TSEN15: variants seen among roughly 807,000 people sequenced by gnomAD.
TSEN15 encodes tRNA splicing endonuclease subunit 15, also known as tRNA-splicing endonuclease subunit Sen15.
A neutral mutation model predicts 20.5 loss-of-function variants in TSEN15; 10 were observed. The ratio of observed to expected loss-of-function variants is 0.49; its 90% confidence interval spans 0.30 to 0.83. The LOEUF (loss-of-function observed/expected upper bound fraction) is 0.83, where lower values mean the gene tolerates loss of function less well. Ranked by LOEUF, TSEN15 falls within the 40% of genes least tolerant of loss-of-function variation. TSEN15 has a pLI of 0.06. For synonymous variants in TSEN15, 72 were observed against 80.1 expected (o/e 0.90, Z 0.54); for missense variants, 180 against 218.6 (o/e 0.82, Z 1.11).
At chr1:184,077,858 T>TCATCCATAAGAA (rs1342023212), downstream of TSEN15, among the ~76,000 whole-genome samples, 2 of 152,210 alleles carry the variant, frequency 1.3e-5, no homozygotes, top group Non-Finnish European at 2.9e-5. Context: ...GAGTTGTTTC[T>TCATCCATAAGAA]TATGGATGAG....
downstream of TSEN15, among the ~76,000 whole-genome samples, chr1:184,075,320 G>A (rs1388487957): frequency 6.6e-6 from 1 of 152,084 alleles, no homozygotes; most frequent in African/African-American, 2.4e-5. Flanking sequence ...TTTTTGGAAA[G>A]GGAGGCCACC....
At chr1:184,086,175 T>C (rs1651258430) in intron 3 of TSEN15, among the ~76,000 whole-genome samples, 1 of 152,174 alleles carries the variant, frequency 6.6e-6, no homozygotes, top group Non-Finnish European at 1.5e-5. Context: ...AGAAAATATG[T>C]GTTTAGTTAA....
At chr1:184,068,550 A>G (rs1650774156) in intron 3 of TSEN15, among the ~76,000 whole-genome samples, 1 of 152,122 alleles carries the variant, frequency 6.6e-6, no homozygotes, top group African/African-American at 2.4e-5. Flanking sequence ...GCAGTTCATT[A>G]CAGAATGACT....
At position 184,059,778 on chromosome 1, in the gene TSEN15, C is replaced by T. The variant is rs138887245; in HGVS notation, c.353+4915C>T. Among the ~76,000 whole-genome samples the T allele has an allele frequency of 3.1e-3, 470 of 152,318 alleles. 2 individuals are homozygous for T. The highest frequency in any genetic ancestry group is 7.4e-3 in the African/African-American group (306 of 41,570). On this transcript the variant is annotated intron_variant, in intron 3 of 4. Transcript: ENST00000645668. ...TAGAGACAGGTTTTTGCCTTATTGGCTAGGCTGGTCTCGAACTCCTGACCT... is the reference window on the plus strand; with the variant it reads ...TAGAGACAGGTTTTTGCCTTATTGGTTAGGCTGGTCTCGAACTCCTGACCT...
intron 3 of TSEN15, among the ~76,000 whole-genome samples, chr1:184,088,003 C>T (rs950315278): frequency 2.0e-5 from 3 of 152,108 alleles, no homozygotes; most frequent in Non-Finnish European, 4.4e-5. Context: ...GGAACCACCA[C>T]AAGGCTTCGT....
At chr1:184,062,756 T>G (rs7514747) in intron 3 of TSEN15, among the ~76,000 whole-genome samples, 2,559 of 152,056 alleles carry the variant, frequency 0.017, 63 homozygotes, top group African/African-American at 0.054. Context: ...TTGTTTGTTT[T>G]TTTTTCCCCC....
downstream of TSEN15, among the ~76,000 whole-genome samples, chr1:184,077,144 G>A (rs1174426368): frequency 1.3e-5 from 2 of 152,070 alleles, no homozygotes; most frequent in Non-Finnish European, 2.9e-5. Context: ...AAGCTTCAAA[G>A]GATGGGCTAA....
intron 3 of TSEN15, among the ~76,000 whole-genome samples, chr1:184,082,862 C>G (rs1043005757): frequency 2.0e-5 from 3 of 152,072 alleles, no homozygotes; most frequent in Admixed American, 6.6e-5. Flanking sequence ...TAATCCTGTT[C>G]CTGAGGCAGT....
chr1:184,071,936 T>G, intron 3 of TSEN15: 3 of 436,520 alleles, frequency 6.9e-6, no homozygotes, highest in Admixed American at 4.2e-5. Context: ...TTCTATACCA[T>G]TCTCTTTCCT....
chr1:184,057,752 T>C (rs1196874944), intron 3 of TSEN15, among the ~76,000 whole-genome samples: 1 of 152,206 alleles, frequency 6.6e-6, no homozygotes, highest in Non-Finnish European at 1.5e-5. Context: ...TTATTCATAA[T>C]GAGAATTGTT....
chr1:184,072,143 G>T lies in TSEN15; in HGVS notation c.354-14G>T. On this transcript the variant is annotated splice_polypyrimidine_tract_variant and intron_variant, in intron 3 of 4. Coordinates refer to ENST00000645668, the MANE Select transcript of TSEN15 (RefSeq NM_052965.4). Reference sequence around the variant, plus strand: ...TGACCGCAACTCCTAAGTATATTGTGACTTTATTTTCAGGATAAGGGAGAT... The same window carrying T: ...TGACCGCAACTCCTAAGTATATTGTTACTTTATTTTCAGGATAAGGGAGAT... 2.5e-6 allele frequency: 4 copies of T among 1,612,226 alleles called. No individual in the cohort carries two copies. Among genetic ancestry groups the T allele is most frequent in the South Asian group, 2.2e-5 (2 of 90,802 alleles).
chr1:184,077,318 G>A (rs544404138), downstream of TSEN15, among the ~76,000 whole-genome samples: 95 of 152,214 alleles, frequency 6.2e-4, 1 homozygote, highest in African/African-American at 2.3e-3. Context: ...TTTACAGCAT[G>A]GTTTACTGAA....
intron 3 of TSEN15, among the ~76,000 whole-genome samples, chr1:184,067,939 A>AT (rs1424280759): frequency 5.4e-4 from 61 of 113,366 alleles, no homozygotes; most frequent in Admixed American, 1.1e-3. Flanking sequence ...AAAAAAAAAA[A>AT]AAATATATAT....
At chr1:184,081,449 A>G (rs1388537260) in intron 3 of TSEN15, among the ~76,000 whole-genome samples, 1 of 151,950 alleles carries the variant, frequency 6.6e-6, no homozygotes, top group Non-Finnish European at 1.5e-5. Flanking sequence ...AGCCCATGTT[A>G]CTCCTGTCCA....
At chr1:184,083,461 A>G (rs1651206624) in intron 3 of TSEN15, among the ~76,000 whole-genome samples, 1 of 152,208 alleles carries the variant, frequency 6.6e-6, no homozygotes, top group African/African-American at 2.4e-5. Flanking sequence ...CTATGCATTT[A>G]TTTATTCAAC....
At chr1:184,076,397 T>A (rs1190201819), downstream of TSEN15, among the ~76,000 whole-genome samples, 1 of 152,144 alleles carries the variant, frequency 6.6e-6, no homozygotes, top group African/African-American at 2.4e-5. Flanking sequence ...GTTATGTGTG[T>A]TCTGACTGCC....
At chr1:184,054,117 A>C (rs974178901) in intron 1 of TSEN15, among the ~76,000 whole-genome samples, 1 of 152,166 alleles carries the variant, frequency 6.6e-6, no homozygotes, top group South Asian at 2.1e-4. Flanking sequence ...TTCCATTTAC[A>C]TGGTTTTTAA....
At chr1:184,070,911 T>C (rs1650858719) in intron 3 of TSEN15, 1 of 190,380 alleles carries the variant, frequency 5.3e-6, no homozygotes, top group South Asian at 1.0e-4. Context: ...AGAAACATTT[T>C]CTGTATTTCC....
At chr1:184,071,653 A>G (rs1269953955) in intron 3 of TSEN15, among the ~76,000 whole-genome samples, 1 of 151,994 alleles carries the variant, frequency 6.6e-6, no homozygotes, top group African/African-American at 2.4e-5. Context: ...AAAATACATT[A>G]ATTAAAATGG....
Sources: allele counts gnomAD v4.1 joint callset (sites outside exome capture counted in the v4.1 genomes callset), GRCh38; gene constraint gnomAD v4.1.1; transcripts MANE v1.5; gene names NCBI Gene and HGNC (gene_info 2026-07-23, HGNC 2026-07-21).